ADAMTSL3: variants seen among roughly 807,000 people sequenced by gnomAD.
The protein encoded by ADAMTSL3 is ADAMTS like 3.
A neutral mutation model predicts 201.7 loss-of-function variants in ADAMTSL3; 128 were observed. The ratio of observed to expected loss-of-function variants is 0.63; its 90% CI spans 0.55 to 0.73. ADAMTSL3 has a LOEUF of 0.73. Ranked by LOEUF, ADAMTSL3 falls within the 30% of genes least tolerant of loss-of-function variation. ADAMTSL3 has a pLI of 0.00. For synonymous variants in ADAMTSL3, 738 were observed against 748.4 expected (o/e 0.99, Z 0.23); for missense variants, 1,990 against 2,119.6 (o/e 0.94, Z 1.20).
At chr15:84,009,908 G>A (rs553246980) in intron 23 of ADAMTSL3, among the ~76,000 whole-genome samples, 5 of 152,338 alleles carry the variant, frequency 3.3e-5, no homozygotes, top group South Asian at 2.1e-4. Flanking sequence ...TGACAGCACC[G>A]CTTACCAGCT....
intron 4 of ADAMTSL3, among the ~76,000 whole-genome samples, chr15:83,776,078 A>T (rs1432728543): frequency 6.6e-6 from 1 of 152,152 alleles, no homozygotes. Context: ...TCAGCCCTTA[A>T]ATTTCTCAGG....
At chr15:83,990,538 T>C (rs1165983619) in intron 22 of ADAMTSL3, among the ~76,000 whole-genome samples, 1 of 152,148 alleles carries the variant, frequency 6.6e-6, no homozygotes, top group Non-Finnish European at 1.5e-5. Context: ...AAACCTCTTA[T>C]TACGCTGGGC....
intron 3 of ADAMTSL3, among the ~76,000 whole-genome samples, chr15:83,708,175 ATGCAAT>A (rs2061879712): frequency 6.6e-6 from 1 of 152,168 alleles, no homozygotes; most frequent in Admixed American, 6.5e-5. Flanking sequence ...CAAAGTACTT[ATGCAAT>A]TGAGGCTGCA....
At chr15:83,853,902 CTATCTCTA>C (rs1423020818) in intron 7 of ADAMTSL3, among the ~76,000 whole-genome samples, 14 of 117,078 alleles carry the variant, frequency 1.2e-4, no homozygotes, top group African/African-American at 4.0e-4. Context: ...CCCTATCACT[CTATCTCTA>C]TCTATCTATC....
At chr15:83,858,700 A>T (rs2064792651) in intron 7 of ADAMTSL3, 66 bp from the exon 8 acceptor site, 1 of 1,297,526 alleles carries the variant, frequency 7.7e-7, no homozygotes, top group South Asian at 1.3e-5. Flanking sequence ...GTTTTGATTG[A>T]CTTGCTCATT....
chr15:83,743,756 T>C (rs12916596), intron 3 of ADAMTSL3, among the ~76,000 whole-genome samples: 150,364 of 152,256 alleles, frequency 0.99, 74,253 homozygotes, highest in East Asian at 1. Flanking sequence ...ATGAGGAGAT[T>C]GGATGAAGAT....
intron 14 of ADAMTSL3, among the ~76,000 whole-genome samples, chr15:83,898,458 G>A (rs1213795615): frequency 2.6e-5 from 4 of 152,226 alleles, no homozygotes; most frequent in East Asian, 1.9e-4. Context: ...CTACCTCTCC[G>A]CTGGAGTATA....
intron 3 of ADAMTSL3, among the ~76,000 whole-genome samples, chr15:83,714,743 T>TTTCC (rs200397716): frequency 4.2e-5 from 1 of 23,744 alleles, no homozygotes; most frequent in South Asian, 4.4e-3. Flanking sequence ...TCCTTCTCCT[T>TTTCC]TTCCTTCCTT....
At chr15:83,804,742 T>C (rs2063577714) in intron 5 of ADAMTSL3, 47 bp downstream of exon 5, 1 of 1,430,252 alleles carries the variant, frequency 7.0e-7, no homozygotes, top group Admixed American at 2.4e-5. Flanking sequence ...TATGTGCTTG[T>C]TTTAAGTTAC....
intron 3 of ADAMTSL3, among the ~76,000 whole-genome samples, chr15:83,718,938 G>A (rs1163369983): frequency 1.3e-5 from 2 of 152,122 alleles, no homozygotes; most frequent in Non-Finnish European, 2.9e-5. Context: ...AGTAGATGAG[G>A]AAAATTTGTC....
intron 4 of ADAMTSL3, among the ~76,000 whole-genome samples, chr15:83,801,972 A>C (rs2063531846): frequency 6.6e-6 from 1 of 151,930 alleles, no homozygotes; most frequent in Non-Finnish European, 1.5e-5. Context: ...AAAGTACTAT[A>C]AGCTTTCAGG....
intron 2 of ADAMTSL3, among the ~76,000 whole-genome samples, chr15:83,666,143 A>C (rs1235940380): frequency 6.6e-6 from 1 of 152,208 alleles, no homozygotes; most frequent in Non-Finnish European, 1.5e-5. Context: ...AACAGTGACT[A>C]TACTCCATTT....
intron 7 of ADAMTSL3, among the ~76,000 whole-genome samples, chr15:83,850,956 G>C (rs1044132707): frequency 6.6e-6 from 1 of 152,228 alleles, no homozygotes; most frequent in Middle Eastern, 3.4e-3. Context: ...TCCTGCGCCC[G>C]TGCTGCTCAA....
chr15:83,689,319 C>T (rs2061582366), intron 2 of ADAMTSL3, among the ~76,000 whole-genome samples: 1 of 152,146 alleles, frequency 6.6e-6, no homozygotes, highest in Non-Finnish European at 1.5e-5. Context: ...ACCTGTGAAG[C>T]TTCTTGTATG....
At chr15:83,695,523 C>G (rs1057338071) in intron 2 of ADAMTSL3, among the ~76,000 whole-genome samples, 7 of 152,048 alleles carry the variant, frequency 4.6e-5, no homozygotes, top group Non-Finnish European at 1.0e-4. Flanking sequence ...GCTCATATTT[C>G]TTTTGAAAAT....
chr15:83,739,062 G>A (rs576422011), intron 3 of ADAMTSL3, among the ~76,000 whole-genome samples: 8 of 151,372 alleles, frequency 5.3e-5, no homozygotes, highest in South Asian at 4.2e-4. Flanking sequence ...AAATAAAATA[G>A]CAGAAAAATC....
chr15:83,863,462 C>G (rs1247988380), intron 8 of ADAMTSL3, among the ~76,000 whole-genome samples: 1 of 152,204 alleles, frequency 6.6e-6, no homozygotes, highest in East Asian at 1.9e-4. Flanking sequence ...TTAAGAAACT[C>G]ACTCAAAACT....
chr15:83,938,637 T>C (rs2066501875), intron 17 of ADAMTSL3, among the ~76,000 whole-genome samples: 1 of 152,242 alleles, frequency 6.6e-6, no homozygotes, highest in African/African-American at 2.4e-5. Flanking sequence ...CTTACTTTTT[T>C]TTTGTTTGCC....
intron 2 of ADAMTSL3, among the ~76,000 whole-genome samples, chr15:83,692,515 C>G (rs1211803383): frequency 6.6e-6 from 1 of 151,692 alleles, no homozygotes; most frequent in Non-Finnish European, 1.5e-5. Context: ...GAAACCCTGT[C>G]TCTACTGAAA....
Sources: allele counts gnomAD v4.1 joint callset (sites outside exome capture counted in the v4.1 genomes callset), GRCh38; gene constraint gnomAD v4.1.1; transcripts MANE v1.5; gene names NCBI Gene and HGNC (gene_info 2026-07-23, HGNC 2026-07-21).